The following KIAA0319L variants were observed in gnomAD, a reference collection of about 807,000 sequenced individuals.
KIAA0319L encodes the protein dyslexia-associated protein KIAA0319-like protein.
A neutral mutation model predicts 120.1 loss-of-function variants in KIAA0319L; 55 were observed. That is an observed-to-expected ratio of 0.46 (90% confidence interval 0.37 to 0.57). The LOEUF (loss-of-function observed/expected upper bound fraction) is 0.57, where lower values mean the gene tolerates loss of function less well. Ranked by LOEUF, KIAA0319L falls within the 20% of genes least tolerant of loss-of-function variation. KIAA0319L has a pLI of 0.00. For missense variants in KIAA0319L, 1,049 were observed against 1,255.3 expected (o/e 0.84, Z 2.48); for synonymous variants, 398 against 471.9 (o/e 0.84, Z 2.03).
intron 3 of KIAA0319L, among the ~76,000 whole-genome samples, chr1:35,497,680 T>C (rs994188593): frequency 2.0e-5 from 3 of 152,282 alleles, no homozygotes; most frequent in South Asian, 2.1e-4. Context: ...AAGTATTCCA[T>C]GTGGGTGGAA....
intron 7 of KIAA0319L, among the ~76,000 whole-genome samples, chr1:35,465,719 A>T (rs1643211055): frequency 6.6e-6 from 1 of 152,140 alleles, no homozygotes; most frequent in African/African-American, 2.4e-5. Flanking sequence ...CTCATCTTGA[A>T]TTGTAACTCC....
intron 3 of KIAA0319L, among the ~76,000 whole-genome samples, chr1:35,502,951 G>A (rs976609147): frequency 6.6e-5 from 10 of 152,148 alleles, no homozygotes; most frequent in Non-Finnish European, 1.2e-4. Flanking sequence ...CTACTGAGGA[G>A]AATCACACAA....
rs750027639 is a variant in KIAA0319L at position 35,554,515 on chromosome 1, G to A, written c.-24C>T. 7.0e-6 allele frequency: 11 copies of A among 1,567,532 alleles called. No individual in the cohort carries two copies. In the Admixed American group the frequency reaches 2.1e-4, roughly 29 times the overall value. On this transcript the variant is annotated 5_prime_UTR_variant, in exon 2 of 21. Transcript: ENST00000325722. ...ATGGCCCTCCAGACAGGCAGAACCAGTACACTAGAAGGACAGAAAGAGAAG... is the reference window on the plus strand; with the variant it reads ...ATGGCCCTCCAGACAGGCAGAACCAATACACTAGAAGGACAGAAAGAGAAG...
intron 2 of KIAA0319L, among the ~76,000 whole-genome samples, chr1:35,532,704 T>G (rs1646418631): frequency 6.6e-6 from 1 of 152,216 alleles, no homozygotes; most frequent in South Asian, 2.1e-4. Context: ...ATACCCTGGC[T>G]CTGCTCCCAG....
chr1:35,540,770 G>A (rs977445933), intron 2 of KIAA0319L, among the ~76,000 whole-genome samples: 7 of 152,116 alleles, frequency 4.6e-5, no homozygotes, highest in Non-Finnish European at 8.8e-5. Context: ...TATTGTCATG[G>A]CATTACCTTG....
chr1:35,450,674 C>A (rs1267732355), intron 13 of KIAA0319L, among the ~76,000 whole-genome samples, 165 bp from the exon 14 acceptor site: 1 of 152,206 alleles, frequency 6.6e-6, no homozygotes, highest in Non-Finnish European at 1.5e-5. Flanking sequence ...AAGCTACCAG[C>A]GCTGCAGTCC....
chr1:35,488,612 T>C (rs1644473865), intron 3 of KIAA0319L, among the ~76,000 whole-genome samples: 1 of 151,942 alleles, frequency 6.6e-6, no homozygotes, highest in African/African-American at 2.4e-5. Flanking sequence ...ATAAAAGAAA[T>C]AGTAATCAAA....
intron 20 of KIAA0319L, among the ~76,000 whole-genome samples, chr1:35,436,150 G>C (rs1640773386): frequency 6.6e-6 from 1 of 152,178 alleles, no homozygotes; most frequent in Non-Finnish European, 1.5e-5. Flanking sequence ...CATACTGAAA[G>C]TGCCTTGAGA....
chr1:35,543,399 T>C lies in KIAA0319L; in HGVS notation c.142+10951A>G, dbSNP rs1345696033. Among the ~76,000 whole-genome samples the C allele has an allele frequency of 2.0e-5, 3 of 152,250 alleles. 1 individual carries two copies. The highest frequency in any genetic ancestry group is 4.1e-4 in the South Asian group (2 of 4,830). On this transcript the variant is annotated intron_variant, in intron 2 of 20. Coordinates refer to ENST00000325722, the MANE Select transcript of KIAA0319L (RefSeq NM_024874.5). ...GGACAATTTGGCAGGAGAAAGTTCC[T>C]GTTGAAGACTCATTGCTGTAAGATA...
intron 5 of KIAA0319L, among the ~76,000 whole-genome samples, chr1:35,473,542 A>C (rs376305383): frequency 1.3e-5 from 2 of 152,338 alleles, no homozygotes; most frequent in South Asian, 2.1e-4. Flanking sequence ...GGTAGTAATC[A>C]ACAGCTCAAG....
At chr1:35,508,414 C>G (rs1645290355) in intron 2 of KIAA0319L, among the ~76,000 whole-genome samples, 1 of 152,216 alleles carries the variant, frequency 6.6e-6, no homozygotes, top group South Asian at 2.1e-4. Context: ...CAAAGCCAAT[C>G]TGACTCCCAC....
rs1486942448 is a variant in KIAA0319L at position 35,441,154 on chromosome 1, C to T, written c.2871-16G>A. 2 of 1,607,866 alleles carry T rather than the reference C, an allele frequency of 1.2e-6. No homozygotes were observed. The highest frequency in any genetic ancestry group is 1.7e-6 in the Non-Finnish European group (2 of 1,174,292). ...TCCTTTTTGCCTAAAAAACACAACC[C>T]CCACCCCTGCTCAGGAAAGAGGTTC... On this transcript the variant is annotated splice_polypyrimidine_tract_variant and intron_variant, in intron 19 of 20. Transcript: ENST00000325722.
chr1:35,484,991 T>C (rs550651678), intron 3 of KIAA0319L, among the ~76,000 whole-genome samples: 20 of 125,368 alleles, frequency 1.6e-4, no homozygotes, highest in African/African-American at 5.7e-4. Flanking sequence ...GAGTGTGATA[T>C]TCCCCTTCCC....
intron 3 of KIAA0319L, among the ~76,000 whole-genome samples, chr1:35,497,542 T>G (rs1644855921): frequency 6.6e-6 from 1 of 152,176 alleles, no homozygotes; most frequent in Non-Finnish European, 1.5e-5. Context: ...ATGGTGATGG[T>G]TTTATAGACA....
chr1:35,556,346 GAT>G (rs1334548484), intron 1 of KIAA0319L: 1 of 152,258 alleles, frequency 6.6e-6, no homozygotes, highest in African/African-American at 2.4e-5. Flanking sequence ...ACAGCGATAA[GAT>G]ATGTTTGAAC....
chr1:35,441,278 A>G lies in KIAA0319L; in HGVS notation c.2871-140T>C, dbSNP rs565667004. 4 of 715,544 alleles carry G rather than the reference A, an allele frequency of 5.6e-6. No homozygotes were observed. In the East Asian group the frequency reaches 9.9e-5, roughly 18 times the overall value. The allele number at this position is 715,544 out of a possible 1,614,324, so 44.3% of individuals were successfully genotyped here. A position where few individuals can be genotyped will look rare whatever the true frequency, so the allele number is the denominator to read the frequency against. On this transcript the variant is annotated intron_variant, in intron 19 of 20. Transcript: ENST00000325722. ...GTCCTCTCCTCACTTCTCAGCCAGGAAAGGTGGCAACTGTGATTTGTTCCT... is the reference window on the plus strand; with the variant it reads ...GTCCTCTCCTCACTTCTCAGCCAGGGAAGGTGGCAACTGTGATTTGTTCCT...
At chr1:35,537,855 T>C (rs1226385434) in intron 2 of KIAA0319L, among the ~76,000 whole-genome samples, 1 of 152,196 alleles carries the variant, frequency 6.6e-6, no homozygotes, top group Non-Finnish European at 1.5e-5. Context: ...AATCTGTATC[T>C]GTACAGAAAT....
intron 6 of KIAA0319L, among the ~76,000 whole-genome samples, chr1:35,468,535 C>T (rs1643422548): frequency 6.6e-6 from 1 of 152,204 alleles, no homozygotes; most frequent in South Asian, 2.1e-4. Flanking sequence ...GTACCTCAAA[C>T]TCACTCTGTC....
At position 35,497,465 on chromosome 1, in the gene KIAA0319L, T is replaced by C. The variant is rs183802258; in HGVS notation, c.666+9147A>G. Among the ~76,000 whole-genome samples, 367 of 151,746 alleles carry C rather than the reference T, an allele frequency of 2.4e-3. 2 individuals carry two copies. Among genetic ancestry groups the C allele is most frequent in the African/African-American group, 7.9e-3 (326 of 41,386 alleles). On this transcript the variant is annotated intron_variant, in intron 3 of 20. Transcript: ENST00000325722. ...AAGCAGATCAATTTTCTAGAGGGGG[T>C]GAGAGGGACAGATTACAAAGCGGCA...
Sources: gnomAD v4.1 joint callset for allele counts (sites outside exome capture counted in the v4.1 genomes callset) on GRCh38, gnomAD v4.1.1 for gene constraint, MANE v1.5 for transcripts, NCBI Gene and HGNC (gene_info 2026-07-23, HGNC 2026-07-21) for gene names.